GSAP: variants seen among roughly 807,000 people sequenced by gnomAD.
GSAP encodes gamma-secretase-activating protein.
A neutral mutation model predicts 131.7 loss-of-function variants in GSAP; 118 were observed. The ratio of observed to expected loss-of-function variants is 0.90; its 90% CI spans 0.77 to 1.04. GSAP has a LOEUF of 1.04. Among genes scored for constraint, GSAP ranks in the 50% least tolerant of loss-of-function variants. The pLI, the probability that GSAP is intolerant of heterozygous loss-of-function variation, is 0.00. For synonymous variants in GSAP, 381 were observed against 363.4 expected (o/e 1.05, Z -0.55); for missense variants, 1,019 against 1,013.2 (o/e 1.01, Z -0.08).
intron 18 of GSAP, chr7:77,351,547 C>T (rs964026423): frequency 2.0e-6 from 2 of 985,398 alleles, no homozygotes; most frequent in African/African-American, 3.5e-5. Flanking sequence ...AGTCCAACCA[C>T]AAGAAGTTTA....
intron 26 of GSAP, among the ~76,000 whole-genome samples, chr7:77,318,684 C>T (rs950125237): frequency 3.3e-5 from 5 of 152,066 alleles, no homozygotes; most frequent in Non-Finnish European, 7.4e-5. Flanking sequence ...GGACCCTTAT[C>T]TTTACCATAA....
intron 28 of GSAP, among the ~76,000 whole-genome samples, chr7:77,312,598 G>A (rs1794517379): frequency 6.6e-6 from 1 of 152,122 alleles, no homozygotes; most frequent in Non-Finnish European, 1.5e-5. Context: ...AGAGTACTGG[G>A]GAAATAAACA....
At chr7:77,396,444 T>G (rs890972077) in intron 5 of GSAP, among the ~76,000 whole-genome samples, 3 of 152,130 alleles carry the variant, frequency 2.0e-5, no homozygotes, top group African/African-American at 4.8e-5. Flanking sequence ...CCATGCATAA[T>G]GCCTGACCCC....
intron 26 of GSAP, among the ~76,000 whole-genome samples, chr7:77,318,888 A>G (rs1341483112): frequency 7.6e-6 from 1 of 130,842 alleles, no homozygotes; most frequent in African/African-American, 2.9e-5. Flanking sequence ...GCTTCTGCAC[A>G]GCAAAGGAAA....
chr7:77,326,145 G>T, intron 23 of GSAP, 67 bp downstream of exon 23: 1 of 1,010,340 alleles, frequency 9.9e-7, no homozygotes, highest in Non-Finnish European at 1.5e-6. Flanking sequence ...GAAGCCCACT[G>T]TAATCCTTTC....
In GSAP at chr7:77,345,111, T is replaced by G. The variant is rs1347861139; in HGVS notation, c.1545+4240A>C. On this transcript the variant is annotated intron_variant, in intron 19 of 30. Coordinates refer to ENST00000257626, the MANE Select transcript of GSAP (RefSeq NM_017439.4). ...TTGGGCACTCTCTAATTGGAGGTCC[T>G]CCCAATTATTAGTCCTTTAATATCT... is the stretch of plus-strand genomic sequence containing the variant. Among the ~76,000 whole-genome samples the G allele has an allele frequency of 2.6e-5, 4 of 152,334 alleles. No homozygotes were observed. The East Asian group carries it at 7.7e-4, about 29-fold the overall frequency.
chr7:77,407,696 G>A (rs1352637959), intron 1 of GSAP, among the ~76,000 whole-genome samples: 2 of 152,170 alleles, frequency 1.3e-5, no homozygotes, highest in East Asian at 3.8e-4. Context: ...GTTAATGGGA[G>A]TATAAATTGG....
chr7:77,374,009 G>A, intron 12 of GSAP, 61 bp downstream of exon 12: 1 of 907,018 alleles, frequency 1.1e-6, no homozygotes, highest in Non-Finnish European at 1.8e-6. Context: ...TAAACAATGA[G>A]TAAATTTTGT....
At chr7:77,404,861 C>A (rs1801980426) in intron 2 of GSAP, among the ~76,000 whole-genome samples, 2 of 151,984 alleles carry the variant, frequency 1.3e-5, no homozygotes, top group Admixed American at 6.6e-5. Flanking sequence ...GCATGGTGGG[C>A]GTAAATCTTT....
intron 6 of GSAP, among the ~76,000 whole-genome samples, chr7:77,382,926 C>T (rs781751327): frequency 3.3e-5 from 5 of 152,198 alleles, no homozygotes; most frequent in Non-Finnish European, 7.3e-5. Flanking sequence ...TGGCTCACAC[C>T]TGTATCCCCA....
intron 3 of GSAP, among the ~76,000 whole-genome samples, chr7:77,403,981 C>T (rs1268070914): frequency 1.3e-5 from 2 of 152,068 alleles, no homozygotes; most frequent in Non-Finnish European, 2.9e-5. Flanking sequence ...TCATAATAGG[C>T]AAATATTAGA....
intron 20 of GSAP, 114 bp downstream of exon 20, chr7:77,330,125 T>A: frequency 8.1e-7 from 1 of 1,232,634 alleles, no homozygotes; most frequent in Non-Finnish European, 1.1e-6. Flanking sequence ...ATCAAGTCCC[T>A]GGCAATTGGG....
intron 17 of GSAP, 128 bp downstream of exon 17, chr7:77,353,444 G>GT (rs201039073): frequency 0.26 from 123,698 of 478,704 alleles, 706 homozygotes; most frequent in East Asian, 0.29. Flanking sequence ...ATAGAGTTTT[G>GT]TTTTTTTTTT....
intron 12 of GSAP, among the ~76,000 whole-genome samples, chr7:77,370,698 G>A (rs1456281551): frequency 6.6e-6 from 1 of 152,026 alleles, no homozygotes; most frequent in African/African-American, 2.4e-5. Context: ...TCCAGCTGCT[G>A]CCTCTGTCAT....
chr7:77,314,398 AG>A lies in GSAP; in HGVS notation c.2180del (p.Thr727MetfsTer6). ...HCIDSGVLLL[T>X]ETAVIRLMKD... ...TCATGAGCCTTATGACAGCTGTTTC[AG>A]TGAGAAGCAACACTCCACTGTCAAT... On this transcript the variant is annotated frameshift_variant, in exon 27 of 31. Transcript: ENST00000257626. LOFTEE classifies it high-confidence loss of function. 2 of 1,613,794 alleles carry A rather than the reference AG, an allele frequency of 1.2e-6. No homozygotes were observed. The highest frequency in any genetic ancestry group is 1.7e-6 in the Non-Finnish European group (2 of 1,179,756).
intron 5 of GSAP, among the ~76,000 whole-genome samples, chr7:77,389,756 G>A (rs2151086589): frequency 6.6e-6 from 1 of 152,328 alleles, no homozygotes; most frequent in South Asian, 2.1e-4. Flanking sequence ...GTGTGCATGT[G>A]TCTTTATAGC....
At chr7:77,377,141 CAGG>C in intron 9 of GSAP, 142 bp downstream of exon 9, 1 of 978,430 alleles carries the variant, frequency 1.0e-6, no homozygotes, top group Non-Finnish European at 1.4e-6. Flanking sequence ...CACTTGAGCC[CAGG>C]AGTTCAAGGC....
chr7:77,381,455 G>T, intron 7 of GSAP, 101 bp from the exon 8 acceptor site: 1 of 547,554 alleles, frequency 1.8e-6, no homozygotes, highest in African/African-American at 2.0e-5. Flanking sequence ...AAGCAATGCA[G>T]ATTGAACAAC....
intron 5 of GSAP, among the ~76,000 whole-genome samples, chr7:77,392,679 G>A (rs114599738): frequency 5.2e-4 from 79 of 152,276 alleles, no homozygotes; most frequent in Admixed American, 1.1e-3. Flanking sequence ...TGAGGAGAAC[G>A]GAGGTGAGCA....
Sources: allele counts gnomAD v4.1 joint callset (sites outside exome capture counted in the v4.1 genomes callset), GRCh38; gene constraint gnomAD v4.1.1; transcripts MANE v1.5; gene names NCBI Gene and HGNC (gene_info 2026-07-23, HGNC 2026-07-21).